The following CDCA8 variants were observed in gnomAD, a reference collection of about 807,000 sequenced individuals.
The protein encoded by CDCA8 is cell division cycle associated 8.
In CDCA8, 25 loss-of-function variants were observed where a neutral mutation model predicts 40.0. That is an observed-to-expected ratio of 0.63 (90% CI 0.46 to 0.87). The LOEUF (loss-of-function observed/expected upper bound fraction) is 0.87. Among genes scored for constraint, CDCA8 ranks in the 40% least tolerant of loss-of-function variants. The pLI is 0.00. For synonymous variants in CDCA8, 111 were observed against 126.5 expected (o/e 0.88, Z 0.82); for missense variants, 280 against 348.4 (o/e 0.80, Z 1.56).
chr1:37,700,584 A>C, intron 5 of CDCA8, 63 bp downstream of exon 5: 1 of 942,032 alleles, frequency 1.1e-6, no homozygotes, highest in Non-Finnish European at 1.8e-6. Context: ...CAAATGCATA[A>C]AATACACTGT....
chr1:37,703,850 T>C (rs1382744623), intron 7 of CDCA8, among the ~76,000 whole-genome samples: 2 of 152,190 alleles, frequency 1.3e-5, no homozygotes, highest in Non-Finnish European at 2.9e-5. Context: ...AAATGATTCT[T>C]TAATGGGAGG....
intron 7 of CDCA8, among the ~76,000 whole-genome samples, chr1:37,704,293 A>G (rs1360390664): frequency 6.6e-6 from 1 of 152,178 alleles, no homozygotes; most frequent in East Asian, 1.9e-4. Context: ...AGAAGTAAAA[A>G]TTGATACTGC....
intron 8 of CDCA8, 152 bp from the exon 9 acceptor site, chr1:37,706,826 C>T: frequency 1.7e-6 from 1 of 606,006 alleles, no homozygotes; most frequent in Non-Finnish European, 3.0e-6. Flanking sequence ...CTGATGAAGT[C>T]ATTGTCTCCT....
chr1:37,700,252 G>A, intron 4 of CDCA8, among the ~76,000 whole-genome samples, 184 bp from the exon 5 acceptor site: 1 of 152,010 alleles, frequency 6.6e-6, no homozygotes, highest in East Asian at 1.9e-4. Context: ...CATCATATGG[G>A]GTCTCTTAAC....
chr1:37,698,895 T>C lies in CDCA8; in HGVS notation c.265-10T>C. On this transcript the variant is annotated splice_polypyrimidine_tract_variant and intron_variant, in intron 3 of 9. Coordinates refer to ENST00000373055, the MANE Select transcript of CDCA8 (RefSeq NM_001256875.2). ...ATAAGCCTGGTGCTTTCTGGCTATG[T>C]TTGTCATAGGCTGACCTGGATATCA... 1 of 1,607,280 alleles carries C rather than the reference T, an allele frequency of 6.2e-7. No individual in the cohort carries two copies. The highest frequency in any genetic ancestry group is 8.5e-7 in the Non-Finnish European group (1 of 1,173,964).
At chr1:37,699,402 G>C (rs1645547812) in intron 4 of CDCA8, among the ~76,000 whole-genome samples, 1 of 152,066 alleles carries the variant, frequency 6.6e-6, no homozygotes, top group Non-Finnish European at 1.5e-5. Flanking sequence ...AAAGCGAATT[G>C]AAAAAGGAAT....
Position 37,692,901 on chromosome 1 carries a change from G to T in CDCA8, c.95-4G>T. The T allele has an allele frequency of 1.2e-6, 2 of 1,613,772 alleles. No individual in the cohort carries two copies. The highest frequency in any genetic ancestry group is 1.1e-5 in the South Asian group (1 of 91,088). ...CGTGTCCTGTCGGCTCTGCCCTCCC[G>T]CAGTGGAAATACGAATCAAGCAAAT... is the stretch of plus-strand genomic sequence containing the variant. On this transcript the variant is annotated splice_polypyrimidine_tract_variant and splice_region_variant and intron_variant, in intron 1 of 9. Transcript: ENST00000373055.
chr1:37,705,420 A>T (rs1381892466), intron 7 of CDCA8, 21 bp from the exon 8 acceptor site: 2 of 1,609,750 alleles, frequency 1.2e-6, no homozygotes. Context: ...AGCTATCTTC[A>T]CAGAGATTTT....
chr1:37,707,211 C>A, intron 9 of CDCA8, 147 bp downstream of exon 9: 2 of 625,164 alleles, frequency 3.2e-6, no homozygotes, highest in Non-Finnish European at 5.8e-6. Flanking sequence ...TTGACTCTTA[C>A]CCTACTTAGA....
At position 37,705,431 on chromosome 1, in the gene CDCA8, C is replaced by A. The variant is rs1471767178; in HGVS notation, c.585-10C>A. ...GCCAAGCTATCTTCACAGAGATTTTCCCATTCTAGGGTCTTCAAGACCCCT... is the reference window on the plus strand; with the variant it reads ...GCCAAGCTATCTTCACAGAGATTTTACCATTCTAGGGTCTTCAAGACCCCT... On this transcript the variant is annotated splice_polypyrimidine_tract_variant and intron_variant, in intron 7 of 9. Coordinates refer to ENST00000373055, the MANE Select transcript of CDCA8 (RefSeq NM_001256875.2). The A allele has an allele frequency of 1.9e-6, 3 of 1,610,958 alleles. No homozygotes were observed. In the African/African-American group the frequency reaches 4.0e-5, roughly 22 times the overall value.
At chr1:37,700,171 C>T (rs985308153) in intron 4 of CDCA8, among the ~76,000 whole-genome samples, 2 of 152,170 alleles carry the variant, frequency 1.3e-5, no homozygotes, top group Non-Finnish European at 2.9e-5. Flanking sequence ...TTCGGGGCTA[C>T]ACACCAGGGC....
At chr1:37,698,029 GA>G (rs921522975) in intron 3 of CDCA8, among the ~76,000 whole-genome samples, 1 of 149,442 alleles carries the variant, frequency 6.7e-6, no homozygotes, top group Non-Finnish European at 1.5e-5. Context: ...ATTACCATAT[GA>G]AAAAAAAACG....
chr1:37,701,689 A>AAAAC, intron 5 of CDCA8, 65 bp from the exon 6 acceptor site: 22 of 964,344 alleles, frequency 2.3e-5, no homozygotes, highest in South Asian at 3.1e-5. Flanking sequence ...AAAAAAAAAA[A>AAAAC]CCCTCCTTAC....
chr1:37,698,120 C>T (rs927012390), intron 3 of CDCA8, among the ~76,000 whole-genome samples: 3 of 152,190 alleles, frequency 2.0e-5, no homozygotes, highest in Admixed American at 1.3e-4. Context: ...GTAGATTTAT[C>T]GAAAAAATGG....
At chr1:37,694,414 G>A (rs1645513158) in intron 2 of CDCA8, among the ~76,000 whole-genome samples, 1 of 152,190 alleles carries the variant, frequency 6.6e-6, no homozygotes, top group African/African-American at 2.4e-5. Context: ...CTGAGCATGT[G>A]TCAGTCACAG....
intron 9 of CDCA8, among the ~76,000 whole-genome samples, chr1:37,708,107 A>T (rs1645614955): frequency 6.6e-6 from 1 of 152,174 alleles, no homozygotes; most frequent in African/African-American, 2.4e-5. Flanking sequence ...CTCTAGCTAG[A>T]TCTATTGCAA....
Position 37,695,942 on chromosome 1 carries a change from G to A in CDCA8, c.256G>A (p.Ala86Thr), listed in dbSNP as rs1224241026. ...AGGAAACAAACAGGCCCTGGAAGAG[G>A]CGGCAACAGTAAGTGACCTTTCCTA... ...LGGNKQALEE[A>T]ATADLDITEI... The change falls in exon 3 of 10, where the codon GCG (alanine) becomes ACG (threonine). Residue 86 changes from alanine to threonine, a missense_variant. Ala to Thr is a moderately conservative substitution (Grantham distance 58, BLOSUM62 0). Coordinates refer to ENST00000373055, the MANE Select transcript of CDCA8 (RefSeq NM_001256875.2). The A allele has an allele frequency of 6.2e-7, 1 of 1,613,830 alleles. No homozygotes were observed. The highest frequency in any genetic ancestry group is 8.5e-7 in the Non-Finnish European group (1 of 1,179,868).
intron 2 of CDCA8, among the ~76,000 whole-genome samples, chr1:37,695,428 C>CAA (rs5773600): frequency 2.9e-5 from 4 of 136,898 alleles, no homozygotes; most frequent in South Asian, 2.3e-4. Flanking sequence ...CCTATCTCTA[C>CAA]AAAAAAACAC....
chr1:37,696,298 G>A lies in CDCA8; in HGVS notation c.264+348G>A, dbSNP rs1449654200. ...AGGTGTTTCATCATGTCGTACTGTA[G>A]AAGCAGTGCTTTTGCTTGGGATGCT... On this transcript the variant is annotated intron_variant, in intron 3 of 9. Coordinates refer to ENST00000373055, the MANE Select transcript of CDCA8 (RefSeq NM_001256875.2). The surrounding 1 kb of genome is among the most constrained non-coding windows in gnomAD (Gnocchi z 5.0). 6.6e-6 allele frequency among the ~76,000 whole-genome samples: 1 copy of A among 152,062 alleles called. No individual in the cohort carries two copies. The highest frequency in any genetic ancestry group is 1.9e-4 in the East Asian group (1 of 5,206).
Sources: allele counts gnomAD v4.1 joint callset (sites outside exome capture counted in the v4.1 genomes callset), GRCh38; gene constraint gnomAD v4.1.1; non-coding constraint Gnocchi (gnomAD v3.1); transcripts MANE v1.5; gene names NCBI Gene and HGNC (gene_info 2026-07-23, HGNC 2026-07-21).